TRIM2: variants seen among roughly 807,000 people sequenced by gnomAD.
TRIM2 encodes tripartite motif-containing protein 2.
TRIM2 carries 20 observed loss-of-function variants against 75.2 expected under a neutral mutation model. That is an observed-to-expected ratio of 0.27 (90% CI 0.19 to 0.39). The LOEUF (loss-of-function observed/expected upper bound fraction) is 0.39. Ranked by LOEUF, TRIM2 falls within the 10% of genes least tolerant of loss-of-function variation. The probability of loss-of-function intolerance (pLI) is 1.00; values close to 1 mark genes in which losing one functional copy is unlikely to be tolerated. For missense variants in TRIM2, 660 were observed against 990.8 expected (o/e 0.67, Z 4.48); for synonymous variants, 373 against 388.3 (o/e 0.96, Z 0.46).
intron 6 of TRIM2, among the ~76,000 whole-genome samples, chr4:153,313,226 C>T (rs760323469): frequency 1.1e-4 from 17 of 152,120 alleles, no homozygotes; most frequent in Non-Finnish European, 2.2e-4. Flanking sequence ...TATGGGGATT[C>T]TATGTGGGTC....
intron 1 of TRIM2, among the ~76,000 whole-genome samples, chr4:153,231,049 T>C (rs1472861820): frequency 1.3e-5 from 2 of 152,210 alleles, no homozygotes; most frequent in Non-Finnish European, 2.9e-5. Flanking sequence ...GAGTCAGGAC[T>C]CACACCTAGG....
intron 10 of TRIM2, 51 bp from the exon 11 acceptor site, chr4:153,328,479 G>T: frequency 6.7e-7 from 1 of 1,499,074 alleles, no homozygotes; most frequent in Non-Finnish European, 9.1e-7. Context: ...CCATCATGTT[G>T]GTTCAAGTAT....
intron 3 of TRIM2, 126 bp from the exon 4 acceptor site, chr4:153,292,856 T>C: frequency 9.9e-7 from 1 of 1,007,660 alleles, no homozygotes; most frequent in East Asian, 2.7e-5. Context: ...GAAGCTGGAC[T>C]TAATAATGCT....
At chr4:153,193,421 G>A (rs1579437617) in intron 1 of TRIM2, among the ~76,000 whole-genome samples, 3 of 152,096 alleles carry the variant, frequency 2.0e-5, no homozygotes, top group Admixed American at 1.3e-4. Flanking sequence ...ATGAGCCACC[G>A]CGCCTGGCCC....
intron 1 of TRIM2, among the ~76,000 whole-genome samples, chr4:153,232,217 A>G (rs1374435865): frequency 6.6e-6 from 1 of 152,218 alleles, no homozygotes; most frequent in Non-Finnish European, 1.5e-5. Context: ...AGCCACCTTT[A>G]AAGAGTCATG....
upstream of TRIM2, chr4:153,152,269 C>G (rs1225492320): frequency 6.6e-6 from 1 of 152,078 alleles, no homozygotes; most frequent in Non-Finnish European, 1.5e-5. Context: ...GGAAACCACC[C>G]CCCGCAGAGG....
At chr4:153,230,155 C>T (rs1294837339) in intron 1 of TRIM2, among the ~76,000 whole-genome samples, 1 of 152,148 alleles carries the variant, frequency 6.6e-6, no homozygotes, top group Non-Finnish European at 1.5e-5. Flanking sequence ...ACGGTACTTA[C>T]AGCCTCAATA....
chr4:153,195,844 C>T (rs1316689759), intron 1 of TRIM2, among the ~76,000 whole-genome samples: 5 of 152,100 alleles, frequency 3.3e-5, no homozygotes, highest in African/African-American at 4.8e-5. Context: ...TGGATTCTTG[C>T]TTTGTCGCCC....
chr4:153,265,217 C>T (rs1454432606), intron 1 of TRIM2, among the ~76,000 whole-genome samples: 6 of 151,018 alleles, frequency 4.0e-5, no homozygotes, highest in Non-Finnish European at 7.4e-5. Flanking sequence ...TTTTTCAATA[C>T]CCAGCATGGC....
chr4:153,275,845 T>C (rs1401239959), intron 2 of TRIM2, 48 bp from the exon 3 acceptor site: 1 of 1,535,944 alleles, frequency 6.5e-7, no homozygotes, highest in Admixed American at 1.7e-5. Flanking sequence ...CTGTGAGAAG[T>C]GGAGGTTCTG....
At chr4:153,193,413 G>A (rs766132873) in intron 1 of TRIM2, among the ~76,000 whole-genome samples, 11 of 152,184 alleles carry the variant, frequency 7.2e-5, no homozygotes, top group Non-Finnish European at 1.2e-4. Flanking sequence ...TTACAGGCAT[G>A]AGCCACCGCG....
rs1027018507 is a variant in TRIM2 at position 153,204,492 on chromosome 4, C to G, written c.-39C>G. 1.3e-6 allele frequency: 2 copies of G among 1,551,228 alleles called. No homozygotes were observed. The highest frequency in any genetic ancestry group is 1.4e-5 in the African/African-American group (1 of 73,032). ...CCAGTTGTCTGCGGGCTGCGGGGAG[C>G]TAAGTCCCCAGATTGGAGGAGGCTG... On this transcript the variant is annotated 5_prime_UTR_variant, in exon 1 of 12. Coordinates refer to ENST00000338700, the MANE Select transcript of TRIM2 (RefSeq NM_015271.5).
At chr4:153,221,045 T>A (rs1739821304) in intron 1 of TRIM2, among the ~76,000 whole-genome samples, 1 of 152,224 alleles carries the variant, frequency 6.6e-6, no homozygotes, top group African/African-American at 2.4e-5. Flanking sequence ...CATTCAAATG[T>A]TCATAGCAGC....
chr4:153,319,741 T>A (rs117594881), intron 8 of TRIM2, among the ~76,000 whole-genome samples: 2,308 of 150,790 alleles, frequency 0.015, 62 homozygotes, highest in East Asian at 0.13. Context: ...AAAAAAAAAA[T>A]ATATATATAT....
intron 1 of TRIM2, among the ~76,000 whole-genome samples, chr4:153,161,751 G>A (rs975549493): frequency 2.6e-5 from 4 of 152,206 alleles, no homozygotes; most frequent in African/African-American, 9.7e-5. Context: ...TGAATATTGG[G>A]CAGTATTCCA....
chr4:153,327,616 G>C (rs1770534556), intron 10 of TRIM2, among the ~76,000 whole-genome samples: 1 of 152,132 alleles, frequency 6.6e-6, no homozygotes, highest in Non-Finnish European at 1.5e-5. Context: ...GAATCATCAA[G>C]ATACAATTAT....
chr4:153,270,442 G>A lies in TRIM2; in HGVS notation c.138G>A (p.Gln46=). The A allele has an allele frequency of 6.2e-7, 1 of 1,614,000 alleles. No individual in the cohort carries two copies. Among genetic ancestry groups the A allele is most frequent in the Non-Finnish European group, 8.5e-7 (1 of 1,179,978 alleles). ...CTGTGGTGCGCCAGATTGACAAGCA[G>A]TTTCTGATTTGCAGTATATGCCTGG... ...PSPVVRQIDK[Q]FLICSICLER... is the part of the protein sequence containing the mutation. Residue 46 remains glutamine (Q), a synonymous_variant, in exon 2 of 12, where the codon CAG becomes CAA. Transcript: ENST00000338700.
chr4:153,292,849 G>A (rs1469290270), intron 3 of TRIM2, 133 bp from the exon 4 acceptor site: 1 of 937,424 alleles, frequency 1.1e-6, no homozygotes, highest in Non-Finnish European at 1.5e-6. Flanking sequence ...CTCCTGTGAA[G>A]CTGGACTTAA....
At chr4:153,213,313 T>C (rs1165284625) in intron 1 of TRIM2, among the ~76,000 whole-genome samples, 1 of 152,218 alleles carries the variant, frequency 6.6e-6, no homozygotes, top group Non-Finnish European at 1.5e-5. Context: ...TGCATGAATG[T>C]GCAAAAATAT....
Sources: gnomAD v4.1 joint callset for allele counts (sites outside exome capture counted in the v4.1 genomes callset) on GRCh38, gnomAD v4.1.1 for gene constraint, MANE v1.5 for transcripts, NCBI Gene and HGNC (gene_info 2026-07-23, HGNC 2026-07-21) for gene names.